The following GAK variants were observed in gnomAD, a reference collection of about 807,000 sequenced individuals.
The protein encoded by GAK is cyclin-G-associated kinase.
GAK carries 79 observed loss-of-function variants against 143.9 expected under a neutral mutation model. That is an observed-to-expected ratio of 0.55 (90% CI 0.46 to 0.66). The LOEUF is 0.66. GAK is among the 30% of genes least tolerant of loss of function. The probability of loss-of-function intolerance (pLI) is 0.00; values close to 1 mark genes in which losing one functional copy is unlikely to be tolerated. For synonymous variants in GAK, 881 were observed against 765.5 expected (o/e 1.15, Z -2.49); for missense variants, 1,693 against 1,779.7 (o/e 0.95, Z 0.88).
intron 15 of GAK, among the ~76,000 whole-genome samples, chr4:881,048 C>G (rs969884245): frequency 1.2e-4 from 18 of 152,210 alleles, no homozygotes; most frequent in Admixed American, 1.1e-3. Flanking sequence ...CCCCCCAAGG[C>G]TGTGAGCAAA....
intron 1 of GAK, among the ~76,000 whole-genome samples, chr4:926,486 G>A (rs540512128): frequency 6.6e-6 from 1 of 152,290 alleles, no homozygotes; most frequent in South Asian, 2.1e-4. Context: ...CTCTGCAAAC[G>A]TCACTTTTCT....
intron 1 of GAK, 28 bp from the exon 2 acceptor site, chr4:913,696 A>G: frequency 6.4e-7 from 1 of 1,566,778 alleles, no homozygotes; most frequent in Non-Finnish European, 8.8e-7. Flanking sequence ...TTGTCAGTTC[A>G]ATGCTATGAT....
intron 5 of GAK, among the ~76,000 whole-genome samples, chr4:900,042 C>T (rs889962674): frequency 3.8e-4 from 58 of 152,386 alleles, no homozygotes; most frequent in African/African-American, 1.3e-3. Flanking sequence ...AAAAGATCAG[C>T]GACCCTGGCT....
At chr4:874,653 C>T (rs1266792060) in intron 18 of GAK, among the ~76,000 whole-genome samples, 1 of 151,096 alleles carries the variant, frequency 6.6e-6, no homozygotes, top group African/African-American at 2.4e-5. Context: ...TACTGAACCT[C>T]TTTTCTTCTT....
chr4:921,153 A>AG (rs1723865838), intron 1 of GAK, among the ~76,000 whole-genome samples: 1 of 151,848 alleles, frequency 6.6e-6, no homozygotes, highest in Non-Finnish European at 1.5e-5. Flanking sequence ...CCCAGGCTGG[A>AG]GTGCAGTGGC....
At chr4:913,537 A>C in intron 2 of GAK, 70 bp downstream of exon 2, 3 of 1,211,792 alleles carry the variant, frequency 2.5e-6, no homozygotes, top group Non-Finnish European at 3.7e-6. Flanking sequence ...CGCATCCCTG[A>C]AAAGACTGTC....
intron 6 of GAK, 120 bp downstream of exon 6, chr4:897,913 C>T (rs1030559952): frequency 8.5e-7 from 1 of 1,176,304 alleles, no homozygotes; most frequent in African/African-American, 1.5e-5. Context: ...TGCACCACTG[C>T]ACTCCAGCCT....
intron 9 of GAK, among the ~76,000 whole-genome samples, chr4:892,865 G>A (rs974991616): frequency 5.3e-5 from 8 of 152,216 alleles, no homozygotes; most frequent in African/African-American, 1.9e-4. Flanking sequence ...CCAGAGGAGC[G>A]CGTGCAGAGT....
At chr4:910,763 G>A (rs986209492) in intron 4 of GAK, among the ~76,000 whole-genome samples, 2 of 91,774 alleles carry the variant, frequency 2.2e-5, no homozygotes, top group Non-Finnish European at 5.2e-5. Flanking sequence ...GGGGACAGAC[G>A]CAGGGGTCAC....
chr4:864,742 C>T (rs992076123), intron 23 of GAK, among the ~76,000 whole-genome samples: 2 of 152,184 alleles, frequency 1.3e-5, no homozygotes, highest in African/African-American at 4.8e-5. Flanking sequence ...TCACAAACCC[C>T]TTCAGGAGGG....
At chr4:886,996 G>GGCACACAGCTCAC (rs1170644738) in intron 11 of GAK, 15 of 152,640 alleles carry the variant, frequency 9.8e-5, no homozygotes, top group Non-Finnish European at 1.8e-4. Flanking sequence ...CACACACAGA[G>GGCACACAGCTCAC]GCACACAGCT....
chr4:892,435 G>A (rs1260757229), intron 9 of GAK, among the ~76,000 whole-genome samples: 3 of 152,300 alleles, frequency 2.0e-5, no homozygotes, highest in Middle Eastern at 6.8e-3. Flanking sequence ...GCTCTGCCTC[G>A]AGGATCTGGT....
intron 6 of GAK, among the ~76,000 whole-genome samples, chr4:897,739 A>C (rs1310573079): frequency 6.6e-6 from 1 of 152,216 alleles, no homozygotes; most frequent in Non-Finnish European, 1.5e-5. Flanking sequence ...AAATGACGTC[A>C]AGAGATAGAG....
At chr4:902,940 C>T (rs1196846864) in intron 5 of GAK, among the ~76,000 whole-genome samples, 1 of 152,244 alleles carries the variant, frequency 6.6e-6, no homozygotes, top group Non-Finnish European at 1.5e-5. Flanking sequence ...ACTTCATTAA[C>T]ATCAGGAAAA....
rs376207352 is a variant in GAK, at chr4:920,613, G to A, written c.146-6945C>T. ...GGCTGCGGTGCAGAGGCACAATCCCGGCTCACTGCAACCTCCGCCTCCCGG... is the reference window on the plus strand; with the variant it reads ...GGCTGCGGTGCAGAGGCACAATCCCAGCTCACTGCAACCTCCGCCTCCCGG... On this transcript the variant is annotated intron_variant, in intron 1 of 27. Transcript: ENST00000314167. Among the ~76,000 whole-genome samples the A allele has an allele frequency of 2.0e-3, 281 of 141,110 alleles. 12 individuals are homozygous for A. In the South Asian group the frequency reaches 0.062, roughly 31 times the overall value. The allele number at this position is 141,110 out of a possible 152,430, so 92.6% of individuals were successfully genotyped here.
chr4:860,217 A>G (rs1041374791), intron 23 of GAK, among the ~76,000 whole-genome samples: 47 of 143,502 alleles, frequency 3.3e-4, no homozygotes, highest in African/African-American at 1.0e-3. Context: ...GCTCCAGCCC[A>G]GGGGTTGACG....
intron 21 of GAK, 85 bp from the exon 22 acceptor site, chr4:866,619 G>A: frequency 4.1e-6 from 6 of 1,453,650 alleles, no homozygotes; most frequent in Non-Finnish European, 5.6e-6. Context: ...GCCTGCCCAA[G>A]AGGCCACTCC....
chr4:879,592 T>G (rs1714685715), intron 15 of GAK, among the ~76,000 whole-genome samples: 1 of 152,192 alleles, frequency 6.6e-6, no homozygotes. Flanking sequence ...CCTCCAACAC[T>G]TCCTCTGTGC....
chr4:900,344 G>A (rs1577230991), intron 5 of GAK, among the ~76,000 whole-genome samples: 2 of 152,274 alleles, frequency 1.3e-5, no homozygotes. Flanking sequence ...CCACGGCGGA[G>A]GCCACAGGTG....
Sources: allele counts gnomAD v4.1 joint callset (sites outside exome capture counted in the v4.1 genomes callset), GRCh38; gene constraint gnomAD v4.1.1; transcripts MANE v1.5; gene names NCBI Gene and HGNC (gene_info 2026-07-23, HGNC 2026-07-21).